The following MTSS1 variants were observed in gnomAD, a reference collection of about 807,000 sequenced individuals.
MTSS1 encodes the protein protein MTSS 1.
In MTSS1, 18 loss-of-function variants were observed where a neutral mutation model predicts 79.0. The ratio of observed to expected loss-of-function variants is 0.23; its 90% CI spans 0.16 to 0.34. The LOEUF is 0.34. Ranked by LOEUF, MTSS1 falls within the 10% of genes least tolerant of loss-of-function variation. MTSS1 has a pLI of 1.00. For synonymous variants in MTSS1, 341 were observed against 368.6 expected (o/e 0.93, Z 0.86); for missense variants, 815 against 986.2 (o/e 0.83, Z 2.33).
At chr8:124,559,815 A>G (rs368173762) in intron 10 of MTSS1, among the ~76,000 whole-genome samples, 14 of 151,992 alleles carry the variant, frequency 9.2e-5, no homozygotes, top group African/African-American at 2.7e-4. Flanking sequence ...CTTGCTTTAA[A>G]TTTTTTCACT....
chr8:124,649,670 T>C (rs1819606676), intron 3 of MTSS1, among the ~76,000 whole-genome samples: 1 of 152,130 alleles, frequency 6.6e-6, no homozygotes, highest in Non-Finnish European at 1.5e-5. Flanking sequence ...TGTGAATCCC[T>C]GCAATACTCA....
At chr8:124,593,926 G>T (rs974781964) in intron 3 of MTSS1, among the ~76,000 whole-genome samples, 1 of 152,154 alleles carries the variant, frequency 6.6e-6, no homozygotes, top group African/African-American at 2.4e-5. Context: ...ACGCTATTAC[G>T]GGTGTTGGTG....
rs145455113 is a variant in MTSS1, at chr8:124,613,102, G to T, written c.209-21867C>A. ...TCAGCCGCCCGAGGACCATCTTACA[G>T]ATGAGGAGCAAGACTCAGAGAGCAG... On this transcript the variant is annotated intron_variant, in intron 3 of 13. Transcript: ENST00000518547. Among the ~76,000 whole-genome samples, 45 of 152,280 alleles carry T rather than the reference G, an allele frequency of 3.0e-4. 1 individual carries two copies. In the East Asian group the frequency reaches 8.1e-3, roughly 27 times the overall value.
rs913002026 is a variant in MTSS1, at chr8:124,582,623, A to C, written c.460+2464T>G. ...TACATCAGATTCCGTCTATCAGGAC[A>C]AAAAAAAAAATGTATCCAAAACCTT... is the stretch of plus-strand genomic sequence containing the variant. On this transcript the variant is annotated intron_variant, in intron 6 of 13. Transcript: ENST00000518547. The surrounding 1 kb of genome is among the most constrained non-coding windows in gnomAD (Gnocchi z 4.8). Among the ~76,000 whole-genome samples, 1 of 124,416 alleles carries C rather than the reference A, an allele frequency of 8.0e-6. No individual in the cohort carries two copies. Among genetic ancestry groups the C allele is most frequent in the Non-Finnish European group, 1.9e-5 (1 of 52,584 alleles). The allele number at this position is 124,416 out of a possible 152,430, so 81.6% of individuals were successfully genotyped here.
At chr8:124,593,694 A>G (rs1223253192) in intron 3 of MTSS1, among the ~76,000 whole-genome samples, 2 of 152,192 alleles carry the variant, frequency 1.3e-5, no homozygotes, top group African/African-American at 2.4e-5. Flanking sequence ...CAGCACCTCC[A>G]GCCGCATCAG....
At chr8:124,704,999 C>G (rs1830191302) in intron 1 of MTSS1, among the ~76,000 whole-genome samples, 1 of 152,168 alleles carries the variant, frequency 6.6e-6, no homozygotes, top group Non-Finnish European at 1.5e-5. Flanking sequence ...GACACAAACT[C>G]AAATCTGCAG....
intron 1 of MTSS1, among the ~76,000 whole-genome samples, chr8:124,715,730 T>C (rs1330732356): frequency 1.3e-5 from 2 of 152,172 alleles, no homozygotes; most frequent in Admixed American, 6.5e-5. Flanking sequence ...TTTTCTTGCC[T>C]GGCGAGAGGG....
At chr8:124,665,621 A>C (rs1822906351) in intron 3 of MTSS1, among the ~76,000 whole-genome samples, 1 of 151,880 alleles carries the variant, frequency 6.6e-6, no homozygotes, top group African/African-American at 2.4e-5. Context: ...TAATCCCAGC[A>C]CTTTGGGAGG....
chr8:124,670,966 C>G (rs1007037335), intron 3 of MTSS1, among the ~76,000 whole-genome samples: 2 of 152,086 alleles, frequency 1.3e-5, no homozygotes, highest in African/African-American at 4.8e-5. Flanking sequence ...AAATGGGCAT[C>G]CTTAATTTTC....
At chr8:124,715,948 G>A (rs1000762244) in intron 1 of MTSS1, among the ~76,000 whole-genome samples, 1 of 152,172 alleles carries the variant, frequency 6.6e-6, no homozygotes, top group African/African-American at 2.4e-5. Flanking sequence ...AGGATGATGG[G>A]GAAAACAACA....
rs116849720 is a variant in MTSS1 at position 124,638,801 on chromosome 8, G to C, written c.209-47566C>G. ...AAGGGCCCTGAGGCCACAAAAGAAT[G>C]AGGAGCAGAGGAGGAGGCTTTTCTT... On this transcript the variant is annotated intron_variant, in intron 3 of 13. Coordinates refer to ENST00000518547, the MANE Select transcript of MTSS1 (RefSeq NM_014751.6). 8.3e-4 allele frequency among the ~76,000 whole-genome samples: 127 copies of C among 152,318 alleles called. 4 individuals are homozygous for C. The East Asian group carries it at 0.023, about 28-fold the overall frequency.
chr8:124,600,288 C>G (rs1316734077), intron 3 of MTSS1, among the ~76,000 whole-genome samples: 2 of 152,116 alleles, frequency 1.3e-5, no homozygotes, highest in East Asian at 3.8e-4. Flanking sequence ...TCTTTCTAAA[C>G]ATTCTACTTC....
chr8:124,684,220 C>T (rs894263286), intron 3 of MTSS1, among the ~76,000 whole-genome samples: 2 of 152,102 alleles, frequency 1.3e-5, no homozygotes, highest in Non-Finnish European at 2.9e-5. Flanking sequence ...GTCTTTGTTG[C>T]ACATCAGAAT....
At chr8:124,669,509 G>C (rs1823734970) in intron 3 of MTSS1, among the ~76,000 whole-genome samples, 1 of 152,196 alleles carries the variant, frequency 6.6e-6, no homozygotes, top group African/African-American at 2.4e-5. Context: ...TCTTGGACTT[G>C]GGGCAAACAA....
chr8:124,629,596 G>A (rs969379196), intron 3 of MTSS1, among the ~76,000 whole-genome samples: 3 of 151,440 alleles, frequency 2.0e-5, no homozygotes, highest in African/African-American at 4.9e-5. Context: ...TCTGAAGCCC[G>A]AGATCTGACC....
At chr8:124,686,856 G>T (rs557201044) in intron 3 of MTSS1, among the ~76,000 whole-genome samples, 1 of 152,206 alleles carries the variant, frequency 6.6e-6, no homozygotes, top group African/African-American at 2.4e-5. Flanking sequence ...TCACATAGAC[G>T]AGATACACAC....
chr8:124,565,348 T>C (rs1826160361), intron 9 of MTSS1, among the ~76,000 whole-genome samples: 1 of 152,236 alleles, frequency 6.6e-6, no homozygotes, highest in African/African-American at 2.4e-5. Flanking sequence ...TTTTTAGGCC[T>C]TAGAAGGTTT....
At chr8:124,605,691 C>T (rs932004622) in intron 3 of MTSS1, among the ~76,000 whole-genome samples, 7 of 152,116 alleles carry the variant, frequency 4.6e-5, no homozygotes, top group African/African-American at 1.7e-4. Flanking sequence ...TCCTTGAACC[C>T]GCTAGCACCT....
At chr8:124,719,126 G>A (rs1832548282) in intron 1 of MTSS1, among the ~76,000 whole-genome samples, 1 of 152,176 alleles carries the variant, frequency 6.6e-6, no homozygotes, top group African/African-American at 2.4e-5. Flanking sequence ...ACAGACCCTG[G>A]AGCCAGACTG....
Sources: allele counts gnomAD v4.1 joint callset (sites outside exome capture counted in the v4.1 genomes callset), GRCh38; gene constraint gnomAD v4.1.1; non-coding constraint Gnocchi (gnomAD v3.1); transcripts MANE v1.5; gene names NCBI Gene and HGNC (gene_info 2026-07-23, HGNC 2026-07-21).